AGBL4: variants seen among roughly 807,000 people sequenced by gnomAD.
AGBL4 encodes cytosolic carboxypeptidase 6.
Under a neutral mutation model 66.4 loss-of-function variants are expected in AGBL4, and 58 were observed. That is an observed-to-expected ratio of 0.87 (90% CI 0.71 to 1.09). AGBL4 has a LOEUF of 1.09. Ranked by LOEUF, AGBL4 falls within the 50% of genes least tolerant of loss-of-function variation. AGBL4 has a pLI of 0.00. For missense variants in AGBL4, 579 were observed against 631.0 expected (o/e 0.92, Z 0.88); for synonymous variants, 234 against 222.9 (o/e 1.05, Z -0.44).
intron 3 of AGBL4, among the ~76,000 whole-genome samples, chr1:49,469,533 T>A (rs1646698622): frequency 6.6e-6 from 1 of 151,828 alleles, no homozygotes; most frequent in East Asian, 1.9e-4. Flanking sequence ...TACACTTTGG[T>A]ATGTTTTGCA....
intron 2 of AGBL4, among the ~76,000 whole-genome samples, chr1:49,807,774 T>G (rs1253209606): frequency 6.6e-6 from 1 of 152,150 alleles, no homozygotes; most frequent in Non-Finnish European, 1.5e-5. Flanking sequence ...TAATCACTAA[T>G]TTGATGCTGT....
intron 2 of AGBL4, among the ~76,000 whole-genome samples, chr1:49,843,316 G>GTA (rs1314008883): frequency 5.3e-5 from 8 of 151,854 alleles, no homozygotes; most frequent in Non-Finnish European, 1.2e-4. Context: ...GTGTGTGTGT[G>GTA]TGTGTGGAGA....
intron 6 of AGBL4, among the ~76,000 whole-genome samples, chr1:48,788,965 G>T (rs187189566): frequency 1.3e-5 from 2 of 152,254 alleles, no homozygotes; most frequent in East Asian, 3.9e-4. Flanking sequence ...ACAAAGAAGA[G>T]GACTAAAATC....
At chr1:49,993,885 T>C (rs894171086) in intron 1 of AGBL4, among the ~76,000 whole-genome samples, 2 of 152,204 alleles carry the variant, frequency 1.3e-5, no homozygotes, top group Admixed American at 6.5e-5. Flanking sequence ...GTATTTACTA[T>C]CACTGTACAA....
intron 3 of AGBL4, among the ~76,000 whole-genome samples, chr1:49,306,833 T>G (rs1400823994): frequency 6.6e-6 from 1 of 152,186 alleles, no homozygotes; most frequent in East Asian, 1.9e-4. Context: ...GAGAACATGT[T>G]GTCTCTGGTG....
chr1:48,967,992 T>A (rs1269515938), intron 5 of AGBL4, among the ~76,000 whole-genome samples: 1 of 152,130 alleles, frequency 6.6e-6, no homozygotes, highest in Non-Finnish European at 1.5e-5. Flanking sequence ...GGGGGTTTCT[T>A]TTTGTTTGTT....
intron 3 of AGBL4, among the ~76,000 whole-genome samples, chr1:49,266,488 A>T (rs1171929102): frequency 6.6e-6 from 1 of 152,100 alleles, no homozygotes; most frequent in East Asian, 1.9e-4. Context: ...ATATTCATTT[A>T]ATCATAATTT....
At chr1:49,742,099 G>A (rs1008091929) in intron 2 of AGBL4, among the ~76,000 whole-genome samples, 1 of 152,206 alleles carries the variant, frequency 6.6e-6, no homozygotes, top group East Asian at 1.9e-4. Context: ...TAGGAAGAGA[G>A]GAAGTCAAAT....
At chr1:48,915,635 G>C (rs1395584650) in intron 5 of AGBL4, among the ~76,000 whole-genome samples, 1 of 152,052 alleles carries the variant, frequency 6.6e-6, no homozygotes, top group African/African-American at 2.4e-5. Context: ...CATCACCTGG[G>C]AACTTGTTAG....
chr1:48,944,406 G>C (rs1656282657), intron 5 of AGBL4, among the ~76,000 whole-genome samples: 1 of 152,162 alleles, frequency 6.6e-6, no homozygotes, highest in African/African-American at 2.4e-5. Flanking sequence ...GAGCAGGGCA[G>C]TATCTAAGTA....
chr1:49,418,642 A>G (rs950706865), intron 3 of AGBL4, among the ~76,000 whole-genome samples: 1 of 152,220 alleles, frequency 6.6e-6, no homozygotes, highest in Non-Finnish European at 1.5e-5. Context: ...TAGACTGTGC[A>G]TTTCAGGCCA....
rs78131362 is a variant in AGBL4 at position 49,662,729 on chromosome 1, A to G, written c.282+34584T>C. ...ACTTTCAATCCTGGCAATTACAATG[A>G]CACACTCTATCCTAAGTTCTAACAC... is the stretch of plus-strand genomic sequence containing the variant. On this transcript the variant is annotated intron_variant, in intron 3 of 13. Coordinates refer to ENST00000371839, the MANE Select transcript of AGBL4 (RefSeq NM_032785.4). Among the ~76,000 whole-genome samples the G allele has an allele frequency of 1.4e-3, 217 of 152,250 alleles. 7 individuals are homozygous for G. In the East Asian group the frequency reaches 0.039, roughly 27 times the overall value.
At chr1:49,700,344 CA>C (rs1647067445) in intron 2 of AGBL4, among the ~76,000 whole-genome samples, 1 of 134,812 alleles carries the variant, frequency 7.4e-6, no homozygotes, top group South Asian at 2.4e-4. Context: ...GATAGATAGA[CA>C]GATAGATCTT....
At chr1:49,739,999 A>G (rs77823633) in intron 2 of AGBL4, among the ~76,000 whole-genome samples, 9 of 152,254 alleles carry the variant, frequency 5.9e-5, no homozygotes, top group Non-Finnish European at 1.0e-4. Context: ...ATCAACTAAC[A>G]AGCAAAATAA....
chr1:48,603,405 G>A (rs753202619), intron 9 of AGBL4, among the ~76,000 whole-genome samples: 4 of 152,200 alleles, frequency 2.6e-5, no homozygotes, highest in Non-Finnish European at 4.4e-5. Flanking sequence ...GGGAGTCAAA[G>A]AATGCAGTGA....
chr1:49,700,625 C>T (rs1647073266), intron 2 of AGBL4, among the ~76,000 whole-genome samples: 1 of 151,932 alleles, frequency 6.6e-6, no homozygotes, highest in Non-Finnish European at 1.5e-5. Flanking sequence ...TAAAGCAAGT[C>T]CCAACTAATT....
intron 3 of AGBL4, among the ~76,000 whole-genome samples, chr1:49,577,330 G>C (rs555419738): frequency 1.3e-5 from 2 of 152,328 alleles, no homozygotes; most frequent in South Asian, 4.2e-4. Flanking sequence ...TGGTGGCAAG[G>C]ATGGAGGTTA....
intron 1 of AGBL4, among the ~76,000 whole-genome samples, chr1:49,962,704 C>T (rs1657217092): frequency 6.6e-6 from 1 of 152,144 alleles, no homozygotes; most frequent in African/African-American, 2.4e-5. Context: ...TAGGGGCTCA[C>T]ACTCATTTTT....
intron 3 of AGBL4, among the ~76,000 whole-genome samples, chr1:49,597,542 G>A (rs967382729): frequency 2.6e-5 from 4 of 152,168 alleles, no homozygotes; most frequent in Admixed American, 1.3e-4. Flanking sequence ...CATTCATCAG[G>A]TTGGAATAAG....
Sources: allele counts gnomAD v4.1 joint callset (sites outside exome capture counted in the v4.1 genomes callset), GRCh38; gene constraint gnomAD v4.1.1; transcripts MANE v1.5; gene names NCBI Gene and HGNC (gene_info 2026-07-23, HGNC 2026-07-21).